The following ROS1 variants were observed in gnomAD, a reference collection of about 807,000 sequenced individuals.
ROS1 encodes ROS proto-oncogene 1, receptor tyrosine kinase, also known as proto-oncogene tyrosine-protein kinase ROS.
A neutral mutation model predicts 273.5 loss-of-function variants in ROS1; 263 were observed. The observed-to-expected ratio is 0.96, with a 90% CI of 0.87 to 1.06. The LOEUF (loss-of-function observed/expected upper bound fraction) is 1.06, where lower values mean the gene tolerates loss of function less well. Ranked by LOEUF, ROS1 falls within the 50% of genes least tolerant of loss-of-function variation. The pLI is 0.00. For synonymous variants in ROS1, 1,008 were observed against 954.1 expected (o/e 1.06, Z -1.04); for missense variants, 2,833 against 2,751.1 (o/e 1.03, Z -0.67).
intron 27 of ROS1, among the ~76,000 whole-genome samples, chr6:117,348,021 G>T (rs780761586): frequency 3.9e-5 from 6 of 151,908 alleles, no homozygotes; most frequent in African/African-American, 1.2e-4. Context: ...GAGAGACACC[G>T]GTCTAAAATT....
At chr6:117,353,832 T>A (rs937618705) in intron 26 of ROS1, among the ~76,000 whole-genome samples, 1 of 152,172 alleles carries the variant, frequency 6.6e-6, no homozygotes, top group African/African-American at 2.4e-5. Flanking sequence ...ATGGCAGGCA[T>A]CCTAAAGATC....
chr6:117,313,225 T>G (rs1562261469), intron 39 of ROS1, among the ~76,000 whole-genome samples: 1 of 152,130 alleles, frequency 6.6e-6, no homozygotes, highest in African/African-American at 2.4e-5. Context: ...TTTGACAGTT[T>G]TTTGTTTGTT....
In ROS1 at chr6:117,319,899, A is replaced by G. The variant is rs371159504; in HGVS notation, c.5891T>C (p.Val1964Ala). Residue 1964 changes from valine (V) to alanine (A), a missense_variant, in exon 37 of 44, where the codon GTT (valine) becomes GCT (alanine). Val to Ala is a moderately conservative substitution (Grantham distance 64, BLOSUM62 0). Coordinates refer to ENST00000368507, the MANE Select transcript of ROS1 (RefSeq NM_001378902.1). Reference protein sequence around the residue: ...YEGTAVDILGVGSGEIKVAVK... With the variant: ...YEGTAVDILGAGSGEIKVAVK... ...TGCTACTTTGATTTCTCCACTTCCAACTCCTAAGATGTCCACTGCTGTTCC... is the reference window on the plus strand; with the variant it reads ...TGCTACTTTGATTTCTCCACTTCCAGCTCCTAAGATGTCCACTGCTGTTCC... The G allele has an allele frequency of 1.5e-5, 24 of 1,612,936 alleles. No homozygotes were observed. Among genetic ancestry groups the G allele is most frequent in the East Asian group, 4.5e-5 (2 of 44,868 alleles).
At chr6:117,373,353 A>G (rs1781020857) in intron 18 of ROS1, among the ~76,000 whole-genome samples, 1 of 152,234 alleles carries the variant, frequency 6.6e-6, no homozygotes. Flanking sequence ...GGCACCCATC[A>G]GGGAGGCTCG....
At chr6:117,365,843 T>C (rs1659444126) in intron 19 of ROS1, 102 bp from the exon 20 acceptor site, 1 of 1,030,154 alleles carries the variant, frequency 9.7e-7, no homozygotes, top group Non-Finnish European at 1.4e-6. Context: ...TAATTAGAAC[T>C]GAAACAAAAT....
At chr6:117,372,501 G>A (rs945971575) in intron 18 of ROS1, among the ~76,000 whole-genome samples, 1 of 152,164 alleles carries the variant, frequency 6.6e-6, no homozygotes. Flanking sequence ...AGACCCTCGT[G>A]GTGAGCGTTA....
chr6:117,297,580 AAAAGAAGAC>A (rs1774340748), intron 43 of ROS1, among the ~76,000 whole-genome samples: 1 of 152,214 alleles, frequency 6.6e-6, no homozygotes, highest in African/African-American at 2.4e-5. Flanking sequence ...ATGTTTTATC[AAAAGAAGAC>A]ATACAACTGA....
At chr6:117,340,486 T>G (rs550440494) in intron 31 of ROS1, among the ~76,000 whole-genome samples, 2 of 152,266 alleles carry the variant, frequency 1.3e-5, no homozygotes, top group East Asian at 3.9e-4. Flanking sequence ...ACATATATAA[T>G]AGTTAAAATA....
chr6:117,290,399 T>A (rs1773752956), intron 43 of ROS1, among the ~76,000 whole-genome samples: 1 of 152,224 alleles, frequency 6.6e-6, no homozygotes, highest in Admixed American at 6.5e-5. Flanking sequence ...TACAAGAGAC[T>A]GCGATAGTAG....
intron 11 of ROS1, among the ~76,000 whole-genome samples, chr6:117,393,693 A>G (rs1191785234): frequency 6.6e-6 from 1 of 152,194 alleles, no homozygotes; most frequent in African/African-American, 2.4e-5. Flanking sequence ...CTGTGTCTTC[A>G]TCAGCTCAAA....
At chr6:117,317,906 C>T (rs1776029737) in intron 38 of ROS1, among the ~76,000 whole-genome samples, 1 of 152,150 alleles carries the variant, frequency 6.6e-6, no homozygotes. Context: ...TAGATGAATA[C>T]AAGCATGTCA....
intron 37 of ROS1, 142 bp from the exon 38 acceptor site, chr6:117,318,394 T>G: frequency 1.5e-6 from 1 of 654,462 alleles, no homozygotes; most frequent in Non-Finnish European, 2.7e-6. Context: ...TGTGCATGTA[T>G]TCTACAAACC....
chr6:117,349,260 T>TA (rs1778614172), intron 27 of ROS1, among the ~76,000 whole-genome samples: 1 of 152,050 alleles, frequency 6.6e-6, no homozygotes. Flanking sequence ...GCTCTGTTGT[T>TA]AGAGATATAT....
In ROS1 at chr6:117,341,139, T is replaced by C. The variant is rs140772370; in HGVS notation, c.5057A>G (p.Gln1686Arg). The change falls in exon 31 of 44, where the codon CAG (glutamine) becomes CGG (arginine). Residue 1686 changes from glutamine to arginine, a missense_variant. Coordinates refer to ENST00000368507, the MANE Select transcript of ROS1 (RefSeq NM_001378902.1). ...AGACTTGCATTAAAAGTCTACCTTC[T>C]GTAGCTCAACCCAAAATCTGATGAG... is the stretch of plus-strand genomic sequence containing the variant. ...VNLIRFWVEL[Q>R]KWKYNEFYHV... is the part of the protein sequence containing the mutation. 114 of 1,603,366 alleles carry C rather than the reference T, an allele frequency of 7.1e-5. No individual in the cohort carries two copies. The African/African-American group carries it at 1.3e-3, about 19-fold the overall frequency.
intron 7 of ROS1, among the ~76,000 whole-genome samples, chr6:117,401,819 A>AAAG (rs930017150): frequency 5.9e-5 from 9 of 151,474 alleles, no homozygotes; most frequent in African/African-American, 1.9e-4. Context: ...AAAAAAAAAA[A>AAAG]AAAAACAGGA....
intron 1 of ROS1, among the ~76,000 whole-genome samples, chr6:117,421,238 AATAT>A (rs10553557): frequency 6.8e-6 from 1 of 146,832 alleles, no homozygotes; most frequent in Admixed American, 6.9e-5. Flanking sequence ...ATTATATTGC[AATAT>A]ATATATATAT....
intron 42 of ROS1, among the ~76,000 whole-genome samples, chr6:117,303,871 AT>A (rs1028746916): frequency 6.6e-6 from 1 of 152,196 alleles, no homozygotes; most frequent in African/African-American, 2.4e-5. Context: ...AGAAATCATT[AT>A]AGGTATTGTA....
At chr6:117,362,460 A>G in intron 22 of ROS1, 143 bp downstream of exon 22, 1 of 668,808 alleles carries the variant, frequency 1.5e-6, no homozygotes, top group South Asian at 2.7e-5. Flanking sequence ...ATTTTCTCAC[A>G]TAATTTTAAA....
At chr6:117,422,182 G>C (rs1440114227) in intron 1 of ROS1, among the ~76,000 whole-genome samples, 1 of 151,988 alleles carries the variant, frequency 6.6e-6, no homozygotes, top group Non-Finnish European at 1.5e-5. Flanking sequence ...GCTAATTTTT[G>C]TATTTGTTGT....
Sources: gnomAD v4.1 joint callset for allele counts (sites outside exome capture counted in the v4.1 genomes callset) on GRCh38, gnomAD v4.1.1 for gene constraint, MANE v1.5 for transcripts, NCBI Gene and HGNC (gene_info 2026-07-23, HGNC 2026-07-21) for gene names.